SOCS2: variants seen among roughly 807,000 people sequenced by gnomAD.
SOCS2 encodes the protein suppressor of cytokine signaling 2.
Under a neutral mutation model 18.6 loss-of-function variants are expected in SOCS2, and 10 were observed. The ratio of observed to expected loss-of-function variants is 0.54; its 90% CI spans 0.33 to 0.91. SOCS2 has a LOEUF of 0.91. SOCS2 is among the 40% of genes least tolerant of loss of function. The pLI, the probability that SOCS2 is intolerant of heterozygous loss-of-function variation, is 0.02. For missense variants in SOCS2, 231 were observed against 247.2 expected (o/e 0.93, Z 0.44); for synonymous variants, 104 against 104.0 (o/e 1.00, Z 0.00).
chr12:93,582,366 G>A (rs1954551334), intron 1 of SOCS2, among the ~76,000 whole-genome samples: 1 of 152,146 alleles, frequency 6.6e-6, no homozygotes, highest in Non-Finnish European at 1.5e-5. Flanking sequence ...AAATGGAGGG[G>A]AAAACAACAG....
chr12:93,617,095 T>C, the SOCS2 span, among the ~76,000 whole-genome samples: 1 of 152,224 alleles, frequency 6.6e-6, no homozygotes, highest in Admixed American at 6.5e-5. Flanking sequence ...CAAACAATTA[T>C]ATCACTGTGA....
In SOCS2 at chr12:93,572,862, G is replaced by C. The variant is rs535576896; in HGVS notation, c.-36G>C. On this transcript the variant is annotated 5_prime_UTR_variant, in exon 1 of 2. Transcript: ENST00000551556. This position sits in a 1 kb window ranked among gnomAD's most constrained non-coding sequence, Gnocchi z 5.0. ...GAACCCTTCTCTGACCCCAGCTCGGGCGGCCACCTGTCTTTGCCGCGGTGA... is the reference window on the plus strand; with the variant it reads ...GAACCCTTCTCTGACCCCAGCTCGGCCGGCCACCTGTCTTTGCCGCGGTGA... 11 of 1,559,298 alleles carry C rather than the reference G, an allele frequency of 7.1e-6. No homozygotes were observed. In the South Asian group the frequency reaches 1.3e-4, roughly 18 times the overall value.
the SOCS2 span, among the ~76,000 whole-genome samples, chr12:93,591,248 AAAAC>A: frequency 6.6e-6 from 1 of 151,818 alleles, no homozygotes; most frequent in African/African-American, 2.4e-5. Flanking sequence ...TTTTAAAAAA[AAAAC>A]AAACGAACAA....
the SOCS2 span, among the ~76,000 whole-genome samples, chr12:93,600,200 A>G: frequency 6.6e-6 from 1 of 152,158 alleles, no homozygotes; most frequent in African/African-American, 2.4e-5. Flanking sequence ...TCTTTTCTTT[A>G]TGGAAAATGA....
At position 93,572,954 on chromosome 12, in the gene SOCS2, G is replaced by A. The variant is rs377245080; in HGVS notation, c.57G>A (p.Gln19=). The change falls in exon 1 of 2, where the codon CAG becomes CAA. Residue 19 remains glutamine, a synonymous_variant. Transcript: ENST00000551556. This position sits in a 1 kb window ranked among gnomAD's most constrained non-coding sequence, Gnocchi z 5.0. The part of the protein sequence containing the change: ...SGNGGEGTRS[Q]WGTAGSAEEP... ...ATGGCGGGGAAGGGACGCGGAGCCAGTGGGGGACCGCGGGGTCGGCGGAGG... is the reference window on the plus strand; with the variant it reads ...ATGGCGGGGAAGGGACGCGGAGCCAATGGGGGACCGCGGGGTCGGCGGAGG... 106 of 1,570,084 alleles carry A rather than the reference G, an allele frequency of 6.8e-5. No homozygotes were observed. The African/African-American group carries it at 1.3e-3, about 20-fold the overall frequency.
the SOCS2 span, among the ~76,000 whole-genome samples, chr12:93,615,594 G>A: frequency 6.6e-6 from 1 of 152,144 alleles, no homozygotes; most frequent in Non-Finnish European, 1.5e-5. Flanking sequence ...AAGTGTGAAA[G>A]TATTTGTTCT....
chr12:93,572,096 C>G (rs1314654647), upstream of SOCS2: 1 of 176,490 alleles, frequency 5.7e-6, no homozygotes, highest in Non-Finnish European at 1.2e-5. The surrounding 1 kb of genome is among the most constrained non-coding windows in gnomAD (Gnocchi z 5.0). Context: ...GCACCCCCAA[C>G]CCCGCCAGAG....
downstream of SOCS2, among the ~76,000 whole-genome samples, chr12:93,581,415 T>A (rs544645472): frequency 3.7e-5 from 5 of 134,598 alleles, no homozygotes; most frequent in Admixed American, 3.0e-4. Context: ...CAAGGAATGA[T>A]TTTTTTTTTT....
At chr12:93,620,090 A>G in the SOCS2 span, among the ~76,000 whole-genome samples, 1 of 152,196 alleles carries the variant, frequency 6.6e-6, no homozygotes, top group Admixed American at 6.5e-5. Context: ...CAGGTAATCA[A>G]TAAATATTTG....
At chr12:93,582,427 G>C (rs1954552806) in intron 1 of SOCS2, among the ~76,000 whole-genome samples, 1 of 152,182 alleles carries the variant, frequency 6.6e-6, no homozygotes. Flanking sequence ...TGGAAAAATG[G>C]CTTGGAACAA....
the SOCS2 span, among the ~76,000 whole-genome samples, chr12:93,594,491 A>G: frequency 6.6e-6 from 1 of 152,154 alleles, no homozygotes; most frequent in East Asian, 1.9e-4. Context: ...ACTTTAGAAG[A>G]TATTCTTTCT....
chr12:93,621,877 C>T, the SOCS2 span, among the ~76,000 whole-genome samples: 3 of 152,292 alleles, frequency 2.0e-5, no homozygotes, highest in Non-Finnish European at 4.4e-5. Context: ...AGACTTAAAT[C>T]AGTTAACATA....
downstream of SOCS2, among the ~76,000 whole-genome samples, chr12:93,578,607 C>T (rs1223928253): frequency 2.0e-5 from 3 of 151,688 alleles, no homozygotes; most frequent in Non-Finnish European, 4.4e-5. Flanking sequence ...AAGCTTGAAA[C>T]CACTTTTTAG....
the SOCS2 span, among the ~76,000 whole-genome samples, chr12:93,599,232 G>A: frequency 1.3e-4 from 19 of 142,692 alleles, no homozygotes; most frequent in South Asian, 2.4e-3. Context: ...AAGTGCTTAC[G>A]GTAACTTCAA....
chr12:93,626,155 C>T, the SOCS2 span, among the ~76,000 whole-genome samples: 6 of 152,140 alleles, frequency 3.9e-5, no homozygotes, highest in Non-Finnish European at 8.8e-5. Context: ...AAATGAGCCT[C>T]TTTCTATTTA....
At chr12:93,574,074 A>C (rs192785715) in intron 1 of SOCS2, 1 of 152,326 alleles carries the variant, frequency 6.6e-6, no homozygotes, top group Non-Finnish European at 1.5e-5. Context: ...GGGAATTCCC[A>C]TTTCTTAGTG....
At chr12:93,605,653 G>A in the SOCS2 span, among the ~76,000 whole-genome samples, 1 of 152,208 alleles carries the variant, frequency 6.6e-6, no homozygotes, top group Admixed American at 6.5e-5. Context: ...GACTACAAGT[G>A]GATGCCTCCT....
chr12:93,617,176 C>T, the SOCS2 span, among the ~76,000 whole-genome samples: 1 of 152,134 alleles, frequency 6.6e-6, no homozygotes, highest in Non-Finnish European at 1.5e-5. Flanking sequence ...TTCTTCATTA[C>T]CAGGTGCAAT....
chr12:93,579,568 T>C (rs1405317073), downstream of SOCS2, among the ~76,000 whole-genome samples: 2 of 152,242 alleles, frequency 1.3e-5, no homozygotes, highest in Non-Finnish European at 2.9e-5. Context: ...TGCTGCTGTA[T>C]GTCTGTAAGT....
Sources: gnomAD v4.1 joint callset for allele counts (sites outside exome capture counted in the v4.1 genomes callset) on GRCh38, gnomAD v4.1.1 for gene constraint, Gnocchi (gnomAD v3.1) non-coding constraint, MANE v1.5 for transcripts, NCBI Gene and HGNC (gene_info 2026-07-23, HGNC 2026-07-21) for gene names.